MBOAT1: variants seen among roughly 807,000 people sequenced by gnomAD.
MBOAT1 encodes the protein membrane bound glycerophospholipid O-acyltransferase 1.
Under a neutral mutation model 64.4 loss-of-function variants are expected in MBOAT1, and 67 were observed. The observed-to-expected ratio is 1.04, with a 90% CI of 0.85 to 1.27. The LOEUF is 1.27. MBOAT1 is among the 50% of genes most tolerant of loss of function. MBOAT1 has a pLI of 0.00. For missense variants in MBOAT1, 563 were observed against 604.6 expected, an observed-to-expected ratio of 0.93 and a Z score of 0.72; for synonymous variants, 229 against 218.9, an observed-to-expected ratio of 1.05 and a Z score of -0.41.
chr6:20,208,851 G>A (rs1463170523), intron 1 of MBOAT1, among the ~76,000 whole-genome samples: 1 of 152,178 alleles, frequency 6.6e-6, no homozygotes, highest in Non-Finnish European at 1.5e-5. Context: ...TTAAAGCCTG[G>A]AAACACTTTC....
chr6:20,178,662 G>A (rs1314534280), intron 1 of MBOAT1, among the ~76,000 whole-genome samples: 2 of 152,124 alleles, frequency 1.3e-5, no homozygotes, highest in Non-Finnish European at 2.9e-5. Context: ...TATTGTTATT[G>A]TTGTTGTTCT....
intron 1 of MBOAT1, among the ~76,000 whole-genome samples, chr6:20,167,580 A>G (rs866972261): frequency 1.3e-5 from 2 of 152,238 alleles, no homozygotes; most frequent in African/African-American, 4.8e-5. Flanking sequence ...AGTGTTTGTT[A>G]TAAAAAGGGT....
intron 1 of MBOAT1, among the ~76,000 whole-genome samples, chr6:20,211,697 C>T (rs12524848): frequency 0.13 from 19,735 of 152,008 alleles, 1,948 homozygotes; most frequent in East Asian, 0.52. Context: ...AAACCCAGGT[C>T]CTGCATTCAA....
intron 3 of MBOAT1, among the ~76,000 whole-genome samples, chr6:20,148,647 T>G (rs1761399422): frequency 6.6e-6 from 1 of 152,158 alleles, no homozygotes; most frequent in Non-Finnish European, 1.5e-5. Flanking sequence ...CAGTCCAAAT[T>G]CACACTACTA....
At position 20,130,348 on chromosome 6, in the gene MBOAT1, T is replaced by TTTG. The variant is rs566699579; in HGVS notation, c.475+793_475+795dup. ...ACAGAAGATTCTTCCTTTTCCCAGC[T>TTTG]TTGTTGTTGTTGTTGTTGTTGTTGT... On this transcript the variant is annotated intron_variant, in intron 5 of 12. Coordinates refer to ENST00000324607, the MANE Select transcript of MBOAT1 (RefSeq NM_001080480.3). 6.5e-3 allele frequency among the ~76,000 whole-genome samples: 983 copies of TTTG among 151,916 alleles called. 6 individuals are homozygous for TTTG. Among genetic ancestry groups the TTTG allele is most frequent in the African/African-American group, 0.018 (757 of 41,446 alleles).
intron 11 of MBOAT1, 29 bp from the exon 12 acceptor site, chr6:20,109,778 A>C: frequency 6.3e-7 from 1 of 1,598,320 alleles, no homozygotes; most frequent in Non-Finnish European, 8.6e-7. Context: ...AACAGTAGTG[A>C]GGAGGGGGTG....
chr6:20,128,819 G>A (rs1760734522), intron 5 of MBOAT1, 66 bp from the exon 6 acceptor site: 8 of 1,142,778 alleles, frequency 7.0e-6, no homozygotes, highest in Non-Finnish European at 1.0e-5. Flanking sequence ...ATTATAAAAG[G>A]GTCTTATCAA....
At chr6:20,112,372 C>T (rs1299517812) in intron 11 of MBOAT1, among the ~76,000 whole-genome samples, 2 of 152,140 alleles carry the variant, frequency 1.3e-5, no homozygotes, top group African/African-American at 2.4e-5. Context: ...AAGCTAACTG[C>T]GTTGGGCGTG....
At chr6:20,108,871 A>G (rs1760036268) in intron 12 of MBOAT1, among the ~76,000 whole-genome samples, 1 of 152,254 alleles carries the variant, frequency 6.6e-6, no homozygotes, top group Admixed American at 6.5e-5. Context: ...TTGAGAAAAC[A>G]CAGGTAAAAG....
At chr6:20,144,362 T>G (rs1030457770) in intron 3 of MBOAT1, 47 bp from the exon 4 acceptor site, 2 of 1,172,604 alleles carry the variant, frequency 1.7e-6, no homozygotes, top group African/African-American at 3.0e-5. Context: ...ATAGCAATAA[T>G]GCACTCAATT....
intron 1 of MBOAT1, among the ~76,000 whole-genome samples, chr6:20,166,608 C>A (rs1413976831): frequency 6.6e-6 from 1 of 152,120 alleles, no homozygotes; most frequent in Non-Finnish European, 1.5e-5. Flanking sequence ...GTCTGCTCAG[C>A]AGCATCAGTA....
chr6:20,122,115 A>G lies in MBOAT1; in HGVS notation c.907+2293T>C, dbSNP rs377717848. ...GGGAGGTGGAGGTTGCAGTGAGCCGAGACCGCACCATTGCACTCCAGCCTG... is the reference window on the plus strand; with the variant it reads ...GGGAGGTGGAGGTTGCAGTGAGCCGGGACCGCACCATTGCACTCCAGCCTG... On this transcript the variant is annotated intron_variant, in intron 8 of 12. Coordinates refer to ENST00000324607, the MANE Select transcript of MBOAT1 (RefSeq NM_001080480.3). 2.6e-5 allele frequency among the ~76,000 whole-genome samples: 4 copies of G among 152,296 alleles called. No homozygotes were observed. The East Asian group carries it at 5.8e-4, about 22-fold the overall frequency.
Position 20,101,655 on chromosome 6 carries a change from A to G in MBOAT1, c.*631T>C, listed in dbSNP as rs1759789667. Among the ~76,000 whole-genome samples the G allele has an allele frequency of 6.6e-6, 1 of 152,174 alleles. No individual in the cohort carries two copies. The highest frequency in any genetic ancestry group is 1.5e-5 in the Non-Finnish European group (1 of 68,042). On this transcript the variant is annotated 3_prime_UTR_variant, in exon 13 of 13. Coordinates refer to ENST00000324607, the MANE Select transcript of MBOAT1 (RefSeq NM_001080480.3). ...CCTGGGTTCCCAGCATCCAGGTCACAGTAGCTGGAAATCATGCAGGAAGGG... is the reference window on the plus strand; with the variant it reads ...CCTGGGTTCCCAGCATCCAGGTCACGGTAGCTGGAAATCATGCAGGAAGGG...
chr6:20,204,093 C>T (rs1443271315), intron 1 of MBOAT1, among the ~76,000 whole-genome samples: 1 of 152,174 alleles, frequency 6.6e-6, no homozygotes, highest in African/African-American at 2.4e-5. Flanking sequence ...ATAATGATCA[C>T]TACCCATAAA....
intron 1 of MBOAT1, among the ~76,000 whole-genome samples, chr6:20,182,685 C>G (rs1762543166): frequency 6.6e-6 from 1 of 152,180 alleles, no homozygotes; most frequent in Non-Finnish European, 1.5e-5. Context: ...CCCCAGTGAG[C>G]CAAACCCCTG....
At position 20,118,528 on chromosome 6, in the gene MBOAT1, T is replaced by C; in HGVS notation, c.920A>G (p.Asn307Ser). ...GCTGAACCCAAAGCCAGCTGCGTTA[T>C]TCACTGCATCAGCTATGGTTTTTAA... ...YFAWTLADAV[N>S]NAAGFGFSGV... The change falls in exon 9 of 13, where the codon AAT (asparagine) becomes AGT (serine). Residue 307 changes from asparagine (N) to serine (S), a missense_variant. Asn to Ser is a conservative substitution (Grantham distance 46, BLOSUM62 1). Coordinates refer to ENST00000324607, the MANE Select transcript of MBOAT1 (RefSeq NM_001080480.3). The C allele has an allele frequency of 6.2e-7, 1 of 1,613,628 alleles. No homozygotes were observed. The highest frequency in any genetic ancestry group is 8.5e-7 in the Non-Finnish European group (1 of 1,179,784).
chr6:20,129,454 T>TA (rs1760754217), intron 5 of MBOAT1, among the ~76,000 whole-genome samples: 1 of 152,046 alleles, frequency 6.6e-6, no homozygotes, highest in Admixed American at 6.6e-5. Context: ...TAAAACTGTA[T>TA]ATTCAGCTAA....
intron 1 of MBOAT1, among the ~76,000 whole-genome samples, chr6:20,161,216 G>A (rs1010275350): frequency 2.6e-5 from 4 of 151,982 alleles, no homozygotes; most frequent in African/African-American, 7.2e-5. Context: ...GTAGGCTGCC[G>A]CTCCTTATAA....
intron 1 of MBOAT1, among the ~76,000 whole-genome samples, chr6:20,168,595 GAAAGAGAGA>G (rs1762089003): frequency 1.4e-5 from 1 of 70,436 alleles, no homozygotes; most frequent in Non-Finnish European, 2.7e-5. Context: ...GAGAGGGAGA[GAAAGAGAGA>G]AGAGAAGAGA....
Sources: gnomAD v4.1 joint callset for allele counts (sites outside exome capture counted in the v4.1 genomes callset) on GRCh38, gnomAD v4.1.1 for gene constraint, MANE v1.5 for transcripts, NCBI Gene and HGNC (gene_info 2026-07-23, HGNC 2026-07-21) for gene names.